FOXJ3: variants seen among roughly 807,000 people sequenced by gnomAD.
FOXJ3 encodes forkhead box protein J3.
A neutral mutation model predicts 76.1 loss-of-function variants in FOXJ3; 22 were observed. That is an observed-to-expected ratio of 0.29 (90% confidence interval 0.21 to 0.41). The LOEUF is 0.41. Among genes scored for constraint, FOXJ3 ranks in the 10% least tolerant of loss-of-function variants. The pLI is 1.00. For missense variants in FOXJ3, 613 were observed against 762.1 expected, an observed-to-expected ratio of 0.80 and a Z score of 2.30; for synonymous variants, 269 against 261.2, an observed-to-expected ratio of 1.03 and a Z score of -0.29.
intron 1 of FOXJ3, among the ~76,000 whole-genome samples, chr1:42,333,492 G>C (rs748304743): frequency 6.6e-6 from 1 of 152,102 alleles, no homozygotes; most frequent in Non-Finnish European, 1.5e-5. Flanking sequence ...CCTCAATTCT[G>C]AGACACAAAA....
intron 1 of FOXJ3, among the ~76,000 whole-genome samples, chr1:42,328,395 C>A (rs572767139): frequency 1.2e-4 from 19 of 152,286 alleles, no homozygotes; most frequent in African/African-American, 4.6e-4. Context: ...AAAAACAGTT[C>A]CTCTTATTGC....
At chr1:42,306,298 C>CT (rs9326121) in intron 2 of FOXJ3, among the ~76,000 whole-genome samples, 1,297 of 81,600 alleles carry the variant, frequency 0.016, 6 homozygotes, top group African/African-American at 0.019. Context: ...GAACTTTTTT[C>CT]TTTTTTTTTT....
chr1:42,327,971 A>G (rs1570269187), intron 1 of FOXJ3, among the ~76,000 whole-genome samples: 3 of 152,138 alleles, frequency 2.0e-5, no homozygotes, highest in African/African-American at 4.8e-5. Flanking sequence ...ATAAAAATAG[A>G]TATCATGCAG....
chr1:42,182,391 T>G (rs1353556622), intron 11 of FOXJ3, among the ~76,000 whole-genome samples: 1 of 152,208 alleles, frequency 6.6e-6, no homozygotes, highest in Non-Finnish European at 1.5e-5. Flanking sequence ...CAGGGATTGT[T>G]ACACCCATTT....
At chr1:42,331,799 T>C (rs1347148686) in intron 1 of FOXJ3, among the ~76,000 whole-genome samples, 5 of 149,912 alleles carry the variant, frequency 3.3e-5, no homozygotes, top group African/African-American at 9.8e-5. Context: ...AATGAAATGG[T>C]ATGTGAATTA....
intron 5 of FOXJ3, among the ~76,000 whole-genome samples, chr1:42,208,395 A>G (rs1040009035): frequency 1.3e-5 from 2 of 152,244 alleles, no homozygotes; most frequent in Non-Finnish European, 2.9e-5. Context: ...ACATGCATTA[A>G]TAAATGTGAT....
Position 42,310,964 on chromosome 1 carries a change from C to T in FOXJ3, c.44+86G>A, listed in dbSNP as rs552112137. On this transcript the variant is annotated intron_variant, in intron 2 of 12. Coordinates refer to ENST00000361346, the MANE Select transcript of FOXJ3 (RefSeq NM_014947.5). The stretch of plus-strand genomic sequence containing the variant: ...TACAATATTTTATTCTGAATCTCAC[C>T]TTCAAATTCATTGTAATATGAGGTG... The T allele has an allele frequency of 3.9e-6, 3 of 776,702 alleles. No homozygotes were observed. In the South Asian group the frequency reaches 5.4e-5, roughly 14 times the overall value. The allele number at this position is 776,702 out of a possible 1,614,324, so 48.1% of individuals were successfully genotyped here. A position where few individuals can be genotyped will look rare whatever the true frequency, so the allele number is the denominator to read the frequency against.
intron 2 of FOXJ3, among the ~76,000 whole-genome samples, chr1:42,306,718 T>C (rs1472233952): frequency 1.3e-5 from 2 of 152,194 alleles, no homozygotes; most frequent in Admixed American, 6.5e-5. Context: ...ATAAATACAA[T>C]AGATTCAGAC....
At chr1:42,260,860 T>C (rs1650978929) in intron 4 of FOXJ3, among the ~76,000 whole-genome samples, 1 of 152,172 alleles carries the variant, frequency 6.6e-6, no homozygotes, top group African/African-American at 2.4e-5. Context: ...TTCTATGAAT[T>C]AACTGTAGTT....
At chr1:42,324,128 G>GTATATATAGTGTATATATACACTATA (rs201669955) in intron 1 of FOXJ3, among the ~76,000 whole-genome samples, 2 of 5,792 alleles carry the variant, frequency 3.5e-4, no homozygotes, top group African/African-American at 7.4e-4. Flanking sequence ...TATACACAGT[G>GTATATATAGTGTATATATACACTATA]TATATACAGT....
intron 3 of FOXJ3, among the ~76,000 whole-genome samples, chr1:42,269,727 G>C (rs1391655457): frequency 6.6e-6 from 1 of 152,048 alleles, no homozygotes; most frequent in East Asian, 1.9e-4. Context: ...GCTCCAATGA[G>C]AAACCTAAAA....
chr1:42,188,437 G>T (rs541075280), intron 11 of FOXJ3, among the ~76,000 whole-genome samples: 1 of 152,232 alleles, frequency 6.6e-6, no homozygotes, highest in African/African-American at 2.4e-5. Context: ...CTATAAAAAC[G>T]TAAGTATCTC....
intron 8 of FOXJ3, 62 bp from the exon 9 acceptor site, chr1:42,191,781 T>TA: frequency 6.5e-7 from 1 of 1,544,808 alleles, no homozygotes; most frequent in Non-Finnish European, 8.8e-7. Context: ...CAAACATTTG[T>TA]AAAATTATTA....
intron 5 of FOXJ3, among the ~76,000 whole-genome samples, chr1:42,216,251 G>A (rs1647062349): frequency 1.3e-5 from 2 of 152,040 alleles, no homozygotes; most frequent in Non-Finnish European, 2.9e-5. Context: ...GGGCGCGGTG[G>A]CTCACGCCTG....
chr1:42,315,154 G>C (rs1655031296), intron 1 of FOXJ3, among the ~76,000 whole-genome samples: 1 of 152,224 alleles, frequency 6.6e-6, no homozygotes, highest in African/African-American at 2.4e-5. Flanking sequence ...ATGAAAAGTA[G>C]ATTGGTGGTT....
chr1:42,312,285 T>G (rs1476583201), intron 1 of FOXJ3, among the ~76,000 whole-genome samples: 1 of 152,184 alleles, frequency 6.6e-6, no homozygotes, highest in African/African-American at 2.4e-5. Context: ...CTTGAACTCC[T>G]GGGCTCAAGT....
intron 4 of FOXJ3, among the ~76,000 whole-genome samples, chr1:42,263,837 T>G (rs1252497506): frequency 6.7e-6 from 1 of 149,670 alleles, no homozygotes; most frequent in East Asian, 2.0e-4. Context: ...GTGAACAAGA[T>G]ACACATGAAC....
At chr1:42,291,580 C>T (rs1354419943) in intron 2 of FOXJ3, among the ~76,000 whole-genome samples, 1 of 152,132 alleles carries the variant, frequency 6.6e-6, no homozygotes, top group Non-Finnish European at 1.5e-5. Flanking sequence ...GCAGGAGGAT[C>T]ACTTGAGGCC....
Position 42,205,839 on chromosome 1 carries a change from A to C in FOXJ3, c.553T>G (p.Ser185Ala). The C allele has an allele frequency of 1.2e-6, 2 of 1,610,752 alleles. No homozygotes were observed. Among genetic ancestry groups the C allele is most frequent in the Non-Finnish European group, 1.7e-6 (2 of 1,177,034 alleles). ...ERASTPYSIDSDSLGMECIIS... is the reference protein window; with the variant it reads ...ERASTPYSIDADSLGMECIIS... ...ATACACTCCATTCCCAAAGAATCTG[A>C]ATCTATGCTATATGGAGTTGAGGCC... The change falls in exon 6 of 13, where the codon TCA (serine) becomes GCA (alanine). Residue 185 changes from serine (S) to alanine (A), a missense_variant. Transcript: ENST00000361346.
Sources: gnomAD v4.1 joint callset for allele counts (sites outside exome capture counted in the v4.1 genomes callset) on GRCh38, gnomAD v4.1.1 for gene constraint, MANE v1.5 for transcripts, NCBI Gene and HGNC (gene_info 2026-07-23, HGNC 2026-07-21) for gene names.